The following RPS6KC1 variants were observed in gnomAD, a reference collection of about 807,000 sequenced individuals.
RPS6KC1 encodes ribosomal protein S6 kinase C1.
Under a neutral mutation model 103.8 loss-of-function variants are expected in RPS6KC1, and 54 were observed. The observed-to-expected ratio is 0.52, with a 90% confidence interval of 0.42 to 0.65. The LOEUF is 0.65. Among genes scored for constraint, RPS6KC1 ranks in the 30% least tolerant of loss-of-function variants. The probability of loss-of-function intolerance (pLI) is 0.00; values close to 1 mark genes in which losing one functional copy is unlikely to be tolerated. For synonymous variants in RPS6KC1, 439 were observed against 438.7 expected, an observed-to-expected ratio of 1.00 and a Z score of -0.01; for missense variants, 1,151 against 1,253.8, an observed-to-expected ratio of 0.92 and a Z score of 1.24.
At chr1:213,651,976 G>A in the RPS6KC1 span, among the ~76,000 whole-genome samples, 1 of 152,020 alleles carries the variant, frequency 6.6e-6, no homozygotes, top group Non-Finnish European at 1.5e-5. Context: ...GACTCACCCT[G>A]TACTATTTGT....
the RPS6KC1 span, among the ~76,000 whole-genome samples, chr1:213,719,556 C>CA: frequency 7.2e-6 from 1 of 138,406 alleles, no homozygotes; most frequent in Non-Finnish European, 1.6e-5. Context: ...TTTCTTAGTT[C>CA]GTTTTTTTTA....
At chr1:213,637,061 G>GA in the RPS6KC1 span, among the ~76,000 whole-genome samples, 2 of 152,234 alleles carry the variant, frequency 1.3e-5, no homozygotes, top group African/African-American at 4.8e-5. Context: ...AAACCACAAT[G>GA]AGATACCATC....
At chr1:213,423,517 G>A in the RPS6KC1 span, among the ~76,000 whole-genome samples, 1 of 152,214 alleles carries the variant, frequency 6.6e-6, no homozygotes, top group Admixed American at 6.5e-5. Context: ...GTACCCAGGA[G>A]GGTGGCTTTG....
the RPS6KC1 span, among the ~76,000 whole-genome samples, chr1:213,685,675 C>T: frequency 2.0e-5 from 3 of 151,476 alleles, no homozygotes; most frequent in African/African-American, 7.3e-5. Context: ...AAACCTACAT[C>T]GCACATTTAT....
At chr1:213,806,478 A>G in the RPS6KC1 span, among the ~76,000 whole-genome samples, 62 of 152,064 alleles carry the variant, frequency 4.1e-4, no homozygotes, top group East Asian at 0.012. Flanking sequence ...TTGGGTGCAT[A>G]TATATTTAGG....
the RPS6KC1 span, among the ~76,000 whole-genome samples, chr1:213,530,168 C>T: frequency 1.3e-5 from 2 of 152,118 alleles, no homozygotes; most frequent in African/African-American, 4.8e-5. Context: ...CGTCATTTAT[C>T]CTCCACTTCT....
intron 12 of RPS6KC1, among the ~76,000 whole-genome samples, chr1:213,255,240 T>A (rs1338622633): frequency 6.6e-6 from 1 of 151,642 alleles, no homozygotes; most frequent in East Asian, 1.9e-4. Context: ...ATGGGAGGAT[T>A]GCTTGAGCCC....
intron 5 of RPS6KC1, 113 bp from the exon 6 acceptor site, chr1:213,129,414 A>T: frequency 8.4e-7 from 1 of 1,184,054 alleles, no homozygotes; most frequent in Non-Finnish European, 1.2e-6. Flanking sequence ...TCAGTAAATT[A>T]CAGCCTTCCA....
rs548461156 is a variant in RPS6KC1, at chr1:213,112,785, A to G, written c.379-4532A>G. ...TGTGTCCATGTGTTCTCATTGTTCAATTCCCACCTGTGAGTGAGAATATGC... is the reference window on the plus strand; with the variant it reads ...TGTGTCCATGTGTTCTCATTGTTCAGTTCCCACCTGTGAGTGAGAATATGC... On this transcript the variant is annotated intron_variant, in intron 4 of 14. Coordinates refer to ENST00000366960, the MANE Select transcript of RPS6KC1 (RefSeq NM_012424.6). Among the ~76,000 whole-genome samples, 306 of 151,924 alleles carry G rather than the reference A, an allele frequency of 2.0e-3. 1 individual carries two copies. Among genetic ancestry groups the G allele is most frequent in the African/African-American group, 7.1e-3 (293 of 41,408 alleles).
the RPS6KC1 span, among the ~76,000 whole-genome samples, chr1:213,408,672 C>T: frequency 9.2e-5 from 14 of 152,266 alleles, no homozygotes; most frequent in South Asian, 4.1e-4. Flanking sequence ...TTGAACTTGT[C>T]GGAGCCTGTA....
the RPS6KC1 span, among the ~76,000 whole-genome samples, chr1:213,614,642 ATG>A: frequency 6.6e-6 from 1 of 152,140 alleles, no homozygotes; most frequent in Non-Finnish European, 1.5e-5. Flanking sequence ...TTGGTTTCCT[ATG>A]TCCTTGTCCT....
the RPS6KC1 span, among the ~76,000 whole-genome samples, chr1:213,760,638 A>G: frequency 6.6e-6 from 1 of 152,212 alleles, no homozygotes; most frequent in Non-Finnish European, 1.5e-5. Flanking sequence ...ATTCAGACAA[A>G]CAACATTAGT....
intron 8 of RPS6KC1, among the ~76,000 whole-genome samples, chr1:213,203,372 T>G (rs2093233221): frequency 6.6e-6 from 1 of 152,188 alleles, no homozygotes; most frequent in African/African-American, 2.4e-5. Flanking sequence ...GTTTACTTCC[T>G]CGTATCCTTA....
the RPS6KC1 span, among the ~76,000 whole-genome samples, chr1:213,353,642 C>T: frequency 6.6e-6 from 1 of 152,194 alleles, no homozygotes; most frequent in East Asian, 1.9e-4. Context: ...CTCTTTCTAC[C>T]CAGGAGGTTG....
the RPS6KC1 span, among the ~76,000 whole-genome samples, chr1:213,503,765 A>G: frequency 2.2e-3 from 335 of 152,322 alleles, 2 homozygotes; most frequent in South Asian, 9.3e-3. Flanking sequence ...CAGCATTAGT[A>G]AGGATATGCA....
the RPS6KC1 span, among the ~76,000 whole-genome samples, chr1:213,709,777 C>T: frequency 2.0e-5 from 3 of 152,288 alleles, no homozygotes; most frequent in African/African-American, 7.2e-5. Context: ...TCCTTATTTA[C>T]CCAGTAGTCA....
the RPS6KC1 span, among the ~76,000 whole-genome samples, chr1:213,615,374 T>C: frequency 6.6e-6 from 1 of 152,240 alleles, no homozygotes; most frequent in Admixed American, 6.5e-5. Flanking sequence ...GTTATGTGGA[T>C]AAACAGAAGA....
the RPS6KC1 span, among the ~76,000 whole-genome samples, chr1:213,511,671 A>G: frequency 6.6e-6 from 1 of 152,054 alleles, no homozygotes; most frequent in Non-Finnish European, 1.5e-5. Context: ...AGATCTCCTT[A>G]CTTTTCCTCC....
the RPS6KC1 span, among the ~76,000 whole-genome samples, chr1:213,544,231 G>C: frequency 1.3e-5 from 2 of 152,148 alleles, no homozygotes; most frequent in African/African-American, 4.8e-5. Flanking sequence ...GAAGGCGAGA[G>C]AATCCTTCTG....
Sources: gnomAD v4.1 joint callset for allele counts (sites outside exome capture counted in the v4.1 genomes callset) on GRCh38, gnomAD v4.1.1 for gene constraint, MANE v1.5 for transcripts, NCBI Gene and HGNC (gene_info 2026-07-23, HGNC 2026-07-21) for gene names.